Variants in ZNF236 observed in about 807,000 individuals in gnomAD.
ZNF236 encodes the protein regulated by glucose.
In ZNF236, 50 loss-of-function variants were observed where a neutral mutation model predicts 191.2. The observed-to-expected ratio is 0.26, with a 90% CI of 0.21 to 0.33. The LOEUF (loss-of-function observed/expected upper bound fraction) is 0.33, where lower values mean the gene tolerates loss of function less well. Among genes scored for constraint, ZNF236 ranks in the 10% least tolerant of loss-of-function variants. ZNF236 has a pLI of 1.00. For synonymous variants in ZNF236, 907 were observed against 928.8 expected, an observed-to-expected ratio of 0.98 and a Z score of 0.43; for missense variants, 1,754 against 2,374.5, an observed-to-expected ratio of 0.74 and a Z score of 5.43.
intron 9 of ZNF236, among the ~76,000 whole-genome samples, chr18:76,890,643 T>C (rs1977202238): frequency 6.6e-6 from 1 of 152,164 alleles, no homozygotes; most frequent in Non-Finnish European, 1.5e-5. Context: ...TAGAAAATGG[T>C]GTCTTATTGT....
At chr18:76,915,003 A>G (rs1333248504) in intron 18 of ZNF236, among the ~76,000 whole-genome samples, 2 of 152,174 alleles carry the variant, frequency 1.3e-5, no homozygotes, top group African/African-American at 4.8e-5. Flanking sequence ...GATACTGGAA[A>G]GATTGCTGGC....
At chr18:76,957,636 A>G (rs1968553807) in intron 28 of ZNF236, among the ~76,000 whole-genome samples, 1 of 152,194 alleles carries the variant, frequency 6.6e-6, no homozygotes, top group Admixed American at 6.5e-5. Flanking sequence ...TACTAAGCTA[A>G]GTAGCCAATA....
In ZNF236 at chr18:76,968,886, A is replaced by AAT. The variant is rs1968850587; in HGVS notation, c.*551_*552dup. 7.1e-6 allele frequency: 7 copies of AAT among 986,430 alleles called. No individual in the cohort carries two copies. Among genetic ancestry groups the AAT allele is most frequent in the Non-Finnish European group, 8.4e-6 (7 of 830,600 alleles). The allele number at this position is 986,430 out of a possible 1,614,324, so 61.1% of individuals were successfully genotyped here. A position where few individuals can be genotyped will look rare whatever the true frequency, so the allele number is the denominator to read the frequency against. On this transcript the variant is annotated 3_prime_UTR_variant, in exon 31 of 31. Transcript: ENST00000320610. ...GACTCTTTTCAGTCTACCATAAGTT[A>AAT]ATATAACTGATACCTTGAGAGATGG...
At chr18:76,954,628 A>G (rs1968480413) in intron 27 of ZNF236, among the ~76,000 whole-genome samples, 1 of 152,176 alleles carries the variant, frequency 6.6e-6, no homozygotes, top group African/African-American at 2.4e-5. Flanking sequence ...CATTTTCTAG[A>G]ATAACACCTA....
intron 1 of ZNF236, among the ~76,000 whole-genome samples, chr18:76,847,685 G>A (rs1319727313): frequency 6.6e-6 from 1 of 152,066 alleles, no homozygotes; most frequent in Non-Finnish European, 1.5e-5. Flanking sequence ...TAGCCAGGAT[G>A]GTCTTGATCT....
At chr18:76,862,210 G>C (rs1484194211) in intron 3 of ZNF236, among the ~76,000 whole-genome samples, 1 of 152,130 alleles carries the variant, frequency 6.6e-6, no homozygotes, top group Non-Finnish European at 1.5e-5. Flanking sequence ...TTTTGAAGAA[G>C]CCTGCAGCCT....
At chr18:76,823,606 A>G (rs1231120108) in intron 1 of ZNF236, among the ~76,000 whole-genome samples, 1 of 152,224 alleles carries the variant, frequency 6.6e-6, no homozygotes, top group Non-Finnish European at 1.5e-5. Flanking sequence ...TGCTAAAGTC[A>G]TGAAATAACT....
At position 76,926,356 on chromosome 18, in the gene ZNF236, T is replaced by C. The variant is rs531691438; in HGVS notation, c.4028-681T>C. Among the ~76,000 whole-genome samples the C allele has an allele frequency of 5.3e-5, 8 of 152,354 alleles. No individual in the cohort carries two copies. In the East Asian group the frequency reaches 1.5e-3, roughly 29 times the overall value. ...AGATTTCGCGGGTGATTAGACAGTGTATGCGTATGGCATAAAGGAGTATCT... is the reference window on the plus strand; with the variant it reads ...AGATTTCGCGGGTGATTAGACAGTGCATGCGTATGGCATAAAGGAGTATCT... On this transcript the variant is annotated intron_variant, in intron 22 of 30. Coordinates refer to ENST00000320610, the MANE Select transcript of ZNF236 (RefSeq NM_001306089.2).
rs553952113 is a variant in ZNF236, at chr18:76,958,898, G to A, written c.5113-789G>A. Among the ~76,000 whole-genome samples, 34 of 152,362 alleles carry A rather than the reference G, an allele frequency of 2.2e-4. No homozygotes were observed. In the South Asian group the frequency reaches 6.8e-3, roughly 31 times the overall value. On this transcript the variant is annotated intron_variant, in intron 28 of 30. Coordinates refer to ENST00000320610, the MANE Select transcript of ZNF236 (RefSeq NM_001306089.2). ...AGGCGGTCACATGGAACACACACAG[G>A]AAACGTGTACTTTTCCCTGACTCCT...
intron 1 of ZNF236, among the ~76,000 whole-genome samples, chr18:76,832,556 CT>C (rs1975202639): frequency 6.6e-6 from 1 of 150,696 alleles, no homozygotes; most frequent in Non-Finnish European, 1.5e-5. Flanking sequence ...TTGTTCTGTA[CT>C]TACTCTTTTC....
At chr18:76,961,919 G>GT (rs200775266) in intron 30 of ZNF236, among the ~76,000 whole-genome samples, 5,339 of 151,602 alleles carry the variant, frequency 0.035, 321 homozygotes, top group African/African-American at 0.12. Flanking sequence ...GGGATTGTTT[G>GT]TTTTTTTTCT....
Position 76,908,504 on chromosome 18 carries a change from C to T in ZNF236, c.2482C>T (p.His828Tyr), listed in dbSNP as rs1359155302. The change falls in exon 14 of 31, where the codon CAT becomes TAT. Residue 828 changes from histidine to tyrosine, a missense_variant. Physicochemically the swap from His to Tyr is moderately conservative, Grantham distance 83 (BLOSUM62 2). This residue lies in a region of ZNF236 where 641 missense variants were observed against 869.6 expected (regional missense o/e 0.74). Transcript: ENST00000320610. ...GGCCATGCTGGACCTGGAGCCTCAGCATGTGGTGGGCACGGAGGAAGCAGG... is the reference window on the plus strand; with the variant it reads ...GGCCATGCTGGACCTGGAGCCTCAGTATGTGGTGGGCACGGAGGAAGCAGG... The part of the protein sequence containing the change: ...PEAMLDLEPQ[H>Y]VVGTEEAGLG... The T allele has an allele frequency of 6.2e-7, 1 of 1,613,874 alleles. No individual in the cohort carries two copies. The highest frequency in any genetic ancestry group is 8.5e-7 in the Non-Finnish European group (1 of 1,180,018).
intron 26 of ZNF236, among the ~76,000 whole-genome samples, chr18:76,940,314 A>ACGG (rs1968106258): frequency 1.9e-5 from 1 of 53,340 alleles, no homozygotes; most frequent in Non-Finnish European, 6.0e-5. Context: ...ATTTGGGAAC[A>ACGG]TGGTGGGCTA....
chr18:76,847,776 C>T (rs1297199489), intron 1 of ZNF236, among the ~76,000 whole-genome samples: 2 of 152,130 alleles, frequency 1.3e-5, no homozygotes, highest in Admixed American at 6.5e-5. Flanking sequence ...CCGCCCGGCC[C>T]CAGCAATCAT....
intron 25 of ZNF236, among the ~76,000 whole-genome samples, chr18:76,935,497 G>A (rs936577640): frequency 2.6e-5 from 4 of 152,236 alleles, no homozygotes; most frequent in Admixed American, 1.3e-4. Flanking sequence ...TTAGTTGACT[G>A]GTGGGAGTGG....
At chr18:76,967,814 G>A (rs1968821921) in intron 30 of ZNF236, among the ~76,000 whole-genome samples, 1 of 152,164 alleles carries the variant, frequency 6.6e-6, no homozygotes, top group African/African-American at 2.4e-5. Flanking sequence ...TAGGGAACCC[G>A]AGGGCAGAAC....
Position 76,927,647 on chromosome 18 carries a change from C to A in ZNF236, c.4414+130C>A. On this transcript the variant is annotated intron_variant, in intron 24 of 30. Transcript: ENST00000320610. The surrounding 1 kb of genome is among the most constrained non-coding windows in gnomAD (Gnocchi z 5.4). ...TGTAGAAGAGAATAAATCAAATGTC[C>A]TGAGAATAAAATAAGCTTTTCTTAC... 1 of 1,253,570 alleles carries A rather than the reference C, an allele frequency of 8.0e-7. No individual in the cohort carries two copies. The highest frequency in any genetic ancestry group is 1.1e-6 in the Non-Finnish European group (1 of 930,352). 77.7% of individuals were successfully genotyped at this position (1,253,570 alleles called of 1,614,324 possible).
At chr18:76,965,280 C>T (rs896895845) in intron 30 of ZNF236, among the ~76,000 whole-genome samples, 10 of 151,646 alleles carry the variant, frequency 6.6e-5, no homozygotes, top group Admixed American at 6.6e-4. Flanking sequence ...AATATTTCTC[C>T]CTTCACTTCT....
rs1968912736 is a variant in ZNF236 at position 76,971,925 on chromosome 18, G to A, written c.*3586G>A. ...AAGCTTATTTCAGAATTAATACCGT[G>A]CCCTTCCCTGACTAAAAAAAGTTAA... On this transcript the variant is annotated 3_prime_UTR_variant, in exon 31 of 31. Coordinates refer to ENST00000320610, the MANE Select transcript of ZNF236 (RefSeq NM_001306089.2). Among the ~76,000 whole-genome samples, 1 of 152,130 alleles carries A rather than the reference G, an allele frequency of 6.6e-6. No homozygotes were observed. The highest frequency in any genetic ancestry group is 1.5e-5 in the Non-Finnish European group (1 of 68,014).
Sources: gnomAD v4.1 joint callset for allele counts (sites outside exome capture counted in the v4.1 genomes callset) on GRCh38, gnomAD v4.1.1 for gene constraint, gnomAD v4.1.1 regional missense constraint, Gnocchi (gnomAD v3.1) non-coding constraint, MANE v1.5 for transcripts, NCBI Gene and HGNC (gene_info 2026-07-23, HGNC 2026-07-21) for gene names.